The following IL1RAPL1 variants were observed in gnomAD, a reference collection of about 807,000 sequenced individuals.
IL1RAPL1 encodes interleukin 1 receptor accessory protein like 1.
IL1RAPL1 carries 3 observed loss-of-function variants against 48.4 expected under a neutral mutation model. The observed-to-expected ratio is 0.06, with a 90% CI of 0.03 to 0.16. The LOEUF is 0.16. Among genes scored for constraint, IL1RAPL1 ranks in the 10% least tolerant of loss-of-function variants. IL1RAPL1 has a pLI of 1.00. For missense variants in IL1RAPL1, 349 were observed against 530.6 expected (o/e 0.66, Z 3.36); for synonymous variants, 185 against 187.7 (o/e 0.99, Z 0.12).
chrX:29,175,739 G>C (rs1048223221), intron 2 of IL1RAPL1, among the ~76,000 whole-genome samples: 8 of 104,768 alleles, frequency 7.6e-5, no homozygotes, highest in African/African-American at 2.8e-4. Flanking sequence ...CCAGCTACTC[G>C]TGAGGCTGAG....
At chrX:29,126,422 T>A (rs756621341) in intron 2 of IL1RAPL1, among the ~76,000 whole-genome samples, 2 of 112,506 alleles carry the variant, frequency 1.8e-5, no homozygotes, top group South Asian at 7.3e-4. Flanking sequence ...AGTTACGCTC[T>A]CACATATTAA....
At chrX:29,853,719 T>G (rs1012448817) in intron 6 of IL1RAPL1, among the ~76,000 whole-genome samples, 5 of 112,001 alleles carry the variant, frequency 4.5e-5, no homozygotes. Flanking sequence ...CTGTTCCATA[T>G]ATAACCATCT....
At chrX:29,661,094 A>G (rs1925834558) in intron 5 of IL1RAPL1, among the ~76,000 whole-genome samples, 1 of 111,511 alleles carries the variant, frequency 9.0e-6, no homozygotes, top group Admixed American at 9.5e-5. Flanking sequence ...TTTTTGTGCT[A>G]TTGTAAAGGG....
chrX:28,929,519 CAT>C (rs1426424652), intron 2 of IL1RAPL1, among the ~76,000 whole-genome samples: 6 of 111,798 alleles, frequency 5.4e-5, no homozygotes, highest in Non-Finnish European at 9.4e-5. Flanking sequence ...TTCTGAGAAA[CAT>C]GTGTTGAAAG....
At chrX:29,145,406 C>G (rs1371931823) in intron 2 of IL1RAPL1, among the ~76,000 whole-genome samples, 1 of 112,342 alleles carries the variant, frequency 8.9e-6, no homozygotes, top group Non-Finnish European at 1.9e-5. Context: ...ATAATAGATG[C>G]TTTCAGGCAA....
At chrX:29,361,542 AACAC>A (rs35694893) in intron 3 of IL1RAPL1, among the ~76,000 whole-genome samples, 76 of 100,988 alleles carry the variant, frequency 7.5e-4, no homozygotes, top group East Asian at 4.3e-3. Flanking sequence ...AACTACCTTA[AACAC>A]ACACACACAC....
At chrX:28,713,013 T>A (rs1935459008) in intron 1 of IL1RAPL1, among the ~76,000 whole-genome samples, 1 of 111,520 alleles carries the variant, frequency 9.0e-6, no homozygotes, top group Non-Finnish European at 1.9e-5. Flanking sequence ...AAAAATTTCT[T>A]GTTCTATAAT....
chrX:28,791,219 T>C (rs1460359526), intron 2 of IL1RAPL1, among the ~76,000 whole-genome samples: 1 of 111,140 alleles, frequency 9.0e-6, no homozygotes, highest in Non-Finnish European at 1.9e-5. Context: ...AACCTCTAAT[T>C]TGGGGGCAAG....
intron 2 of IL1RAPL1, among the ~76,000 whole-genome samples, chrX:29,230,774 A>C (rs1931188930): frequency 9.0e-6 from 1 of 110,872 alleles, no homozygotes; most frequent in African/African-American, 3.3e-5. Flanking sequence ...TCATTCTTCA[A>C]CCACCTATTT....
chrX:28,625,971 A>G (rs1473693929), intron 1 of IL1RAPL1, among the ~76,000 whole-genome samples: 1 of 112,233 alleles, frequency 8.9e-6, no homozygotes, highest in East Asian at 2.8e-4. Context: ...CACAGAGAAT[A>G]GTTTATGCTC....
chrX:29,167,425 GT>G (rs1279440460), intron 2 of IL1RAPL1, among the ~76,000 whole-genome samples: 5 of 106,635 alleles, frequency 4.7e-5, no homozygotes, highest in Non-Finnish European at 9.6e-5. Context: ...ACTTCTGCTT[GT>G]TTTTTACTTA....
At chrX:29,631,707 A>G (rs1181087578) in intron 5 of IL1RAPL1, among the ~76,000 whole-genome samples, 2 of 111,507 alleles carry the variant, frequency 1.8e-5, no homozygotes, top group Non-Finnish European at 3.8e-5. Flanking sequence ...AGGCAGGAGA[A>G]TCGCCTGAAC....
At chrX:28,599,344 CT>C (rs1415053785) in intron 1 of IL1RAPL1, among the ~76,000 whole-genome samples, 1 of 110,262 alleles carries the variant, frequency 9.1e-6, no homozygotes, top group Non-Finnish European at 1.9e-5. Flanking sequence ...GTCAGTATTA[CT>C]TTCCTCCTGG....
intron 6 of IL1RAPL1, among the ~76,000 whole-genome samples, chrX:29,785,719 G>T (rs934932827): frequency 8.9e-6 from 1 of 111,752 alleles, no homozygotes; most frequent in African/African-American, 3.3e-5. Flanking sequence ...ACACAATTTA[G>T]CAATAAAAAG....
At chrX:29,080,999 TCTCTCTC>T (rs1927812763) in intron 2 of IL1RAPL1, among the ~76,000 whole-genome samples, 18 of 61,647 alleles carry the variant, frequency 2.9e-4, no homozygotes, top group Admixed American at 2.0e-3. Context: ...TTTCTTTCTC[TCTCTCTC>T]TCTCTCTCTC....
At chrX:29,065,669 T>C (rs1191952998) in intron 2 of IL1RAPL1, among the ~76,000 whole-genome samples, 2 of 112,103 alleles carry the variant, frequency 1.8e-5, no homozygotes, top group Admixed American at 9.5e-5. Flanking sequence ...GTGTGCTTAA[T>C]GGTTGCCCAA....
intron 2 of IL1RAPL1, among the ~76,000 whole-genome samples, chrX:28,831,026 CTGTGTGTGTGTGTGTGTGTGTGTG>C (rs57923954): frequency 8.9e-5 from 3 of 33,641 alleles, no homozygotes; most frequent in East Asian, 1.2e-3. Context: ...CTCTCTCTCT[CTGTGTGTGTGTGTGTGTGTGTGTG>C]TGTGTGTGTG....
At chrX:29,615,326 A>C (rs1425028823) in intron 5 of IL1RAPL1, among the ~76,000 whole-genome samples, 1 of 111,376 alleles carries the variant, frequency 9.0e-6, no homozygotes, top group Non-Finnish European at 1.9e-5. Context: ...GATTATTTCC[A>C]TCAAAAATAT....
At chrX:29,913,772 C>A (rs1463431327) in intron 6 of IL1RAPL1, among the ~76,000 whole-genome samples, 1 of 109,385 alleles carries the variant, frequency 9.1e-6, no homozygotes, top group African/African-American at 3.4e-5. Flanking sequence ...TTGAAATCTT[C>A]CCTCAACTTC....
Sources: gnomAD v4.1 joint callset for allele counts (sites outside exome capture counted in the v4.1 genomes callset) on GRCh38, gnomAD v4.1.1 for gene constraint, MANE v1.5 for transcripts, NCBI Gene and HGNC (gene_info 2026-07-23, HGNC 2026-07-21) for gene names.